The following CSMD1 variants were observed in gnomAD, a reference collection of about 807,000 sequenced individuals.
The protein encoded by CSMD1 is CUB and sushi domain-containing protein 1.
CSMD1 carries 213 observed loss-of-function variants against 417.5 expected under a neutral mutation model. The ratio of observed to expected loss-of-function variants is 0.51; its 90% CI spans 0.46 to 0.57. The LOEUF is 0.57. Among genes scored for constraint, CSMD1 ranks in the 20% least tolerant of loss-of-function variants. The pLI is 0.00. For missense variants in CSMD1, 6,923 were observed against 4,529.7 expected (o/e 1.53, Z -15.17); for synonymous variants, 2,862 against 1,736.8 (o/e 1.65, Z -16.11).
intron 26 of CSMD1, among the ~76,000 whole-genome samples, chr8:3,261,528 G>A (rs7820335): frequency 0.79 from 119,412 of 152,002 alleles, 47,414 homozygotes; most frequent in Non-Finnish European, 0.84. Context: ...AAATAATTTT[G>A]AAAAGAAAAC....
intron 3 of CSMD1, among the ~76,000 whole-genome samples, chr8:4,256,317 G>A (rs1044085699): frequency 2.6e-5 from 4 of 152,162 alleles, no homozygotes; most frequent in African/African-American, 9.7e-5. Context: ...CAATTTTGCA[G>A]AAAGACCAGC....
At chr8:3,692,787 C>T (rs1433392330) in intron 7 of CSMD1, among the ~76,000 whole-genome samples, 2 of 152,158 alleles carry the variant, frequency 1.3e-5, no homozygotes, top group Non-Finnish European at 2.9e-5. Context: ...TTACTATAGG[C>T]TATTCTGAGA....
At chr8:3,030,190 T>C (rs1485283413) in intron 50 of CSMD1, among the ~76,000 whole-genome samples, 4 of 152,064 alleles carry the variant, frequency 2.6e-5, no homozygotes, top group Admixed American at 1.3e-4. Context: ...AGTATACTAT[T>C]ACCAGGGTGG....
intron 1 of CSMD1, among the ~76,000 whole-genome samples, chr8:4,713,882 G>C (rs939335617): frequency 2.0e-5 from 3 of 152,114 alleles, no homozygotes; most frequent in African/African-American, 4.8e-5. Flanking sequence ...AGTGGAGGTG[G>C]AGATAAAATT....
chr8:3,485,161 G>A (rs983433520), intron 11 of CSMD1, among the ~76,000 whole-genome samples: 73 of 152,094 alleles, frequency 4.8e-4, no homozygotes, highest in African/African-American at 1.7e-3. Context: ...AAGCAATCCA[G>A]GTGTCCATCT....
At chr8:4,692,889 G>A in intron 1 of CSMD1, among the ~76,000 whole-genome samples, 1 of 152,140 alleles carries the variant, frequency 6.6e-6, no homozygotes, top group Non-Finnish European at 1.5e-5. Flanking sequence ...GTATTCTTCT[G>A]ACTTAATTGC....
At chr8:4,722,626 C>T (rs1197171821) in intron 1 of CSMD1, among the ~76,000 whole-genome samples, 1 of 151,982 alleles carries the variant, frequency 6.6e-6, no homozygotes, top group East Asian at 1.9e-4. Flanking sequence ...CATAAGTCCA[C>T]AGGCAATGTA....
At chr8:4,662,133 G>C (rs985196253) in intron 1 of CSMD1, among the ~76,000 whole-genome samples, 1 of 152,086 alleles carries the variant, frequency 6.6e-6, no homozygotes, top group Non-Finnish European at 1.5e-5. Flanking sequence ...ATAGATTGCA[G>C]TACAATATAT....
In CSMD1 at chr8:4,026,992, C is replaced by G. The variant is rs75773534; in HGVS notation, c.610+4913G>C. Among the ~76,000 whole-genome samples, 449 of 152,192 alleles carry G rather than the reference C, an allele frequency of 3.0e-3. 1 individual carries two copies. The highest frequency in any genetic ancestry group is 0.01 in the African/African-American group (426 of 41,522). ...GTTTGCCAATTCTTATGCTGTAGTC[C>G]CACTATGACAGATAATAAGCTAACC... On this transcript the variant is annotated intron_variant, in intron 4 of 69. Transcript: ENST00000635120.
chr8:4,945,481 G>C (rs1353213555), intron 1 of CSMD1, among the ~76,000 whole-genome samples: 1 of 148,290 alleles, frequency 6.7e-6, no homozygotes, highest in East Asian at 2.0e-4. Context: ...GATTACTTGA[G>C]CCCAAGAGTT....
intron 3 of CSMD1, among the ~76,000 whole-genome samples, chr8:4,279,953 G>C: frequency 1.3e-5 from 2 of 152,142 alleles, no homozygotes; most frequent in East Asian, 3.9e-4. Context: ...AAAGTACATA[G>C]GGGCAAGAAC....
chr8:3,204,451 T>A (rs1797141165), intron 31 of CSMD1, among the ~76,000 whole-genome samples: 1 of 151,974 alleles, frequency 6.6e-6, no homozygotes. Flanking sequence ...TAAAGTTAAA[T>A]GAGGGACTTT....
intron 65 of CSMD1, among the ~76,000 whole-genome samples, chr8:2,952,571 T>A (rs988614669): frequency 6.6e-6 from 1 of 152,198 alleles, no homozygotes; most frequent in East Asian, 1.9e-4. Context: ...AATCACTGAT[T>A]TTAGACACAT....
rs572216706 is a variant in CSMD1, at chr8:2,953,565, CTTAAA to C, written c.10039+654_10039+658del. On this transcript the variant is annotated intron_variant, in intron 65 of 69. Transcript: ENST00000635120. ...GATAAAACAACAACAAAATACCCAACTTAAATTAATATAATTTGGGATACATTTTG... is the reference window on the plus strand; with the variant it reads ...GATAAAACAACAACAAAATACCCAACTTAATATAATTTGGGATACATTTTG... 6.0e-3 allele frequency among the ~76,000 whole-genome samples: 912 copies of C among 151,972 alleles called. 6 individuals carry two copies. Among genetic ancestry groups the C allele is most frequent in the African/African-American group, 0.021 (858 of 41,470 alleles).
At position 4,310,138 on chromosome 8, in the gene CSMD1, T is replaced by G. The variant is rs998285380; in HGVS notation, c.415+109815A>C. Among the ~76,000 whole-genome samples, 5 of 152,286 alleles carry G rather than the reference T, an allele frequency of 3.3e-5. No homozygotes were observed. The East Asian group carries it at 5.8e-4, about 18-fold the overall frequency. Reference sequence around the variant, plus strand: ...CCCATTCATCCCTGCTCCTAGTAACTGCTTCACGTTTCTAACACCCAGGTA... The same window carrying G: ...CCCATTCATCCCTGCTCCTAGTAACGGCTTCACGTTTCTAACACCCAGGTA... On this transcript the variant is annotated intron_variant, in intron 3 of 69. Coordinates refer to ENST00000635120, the MANE Select transcript of CSMD1 (RefSeq NM_033225.6).
intron 3 of CSMD1, among the ~76,000 whole-genome samples, chr8:4,239,840 C>G (rs1173581909): frequency 2.0e-5 from 3 of 152,178 alleles, no homozygotes; most frequent in Admixed American, 1.3e-4. Flanking sequence ...AATGTGTCTA[C>G]ACTATTTTGG....
intron 1 of CSMD1, among the ~76,000 whole-genome samples, chr8:4,706,730 G>A (rs1007570856): frequency 4.6e-5 from 7 of 152,150 alleles, no homozygotes; most frequent in African/African-American, 1.4e-4. Flanking sequence ...AGATGTGGCC[G>A]GGGAGGCAGA....
chr8:4,404,432 T>A (rs1436553185), intron 3 of CSMD1, among the ~76,000 whole-genome samples: 1 of 152,184 alleles, frequency 6.6e-6, no homozygotes, highest in Non-Finnish European at 1.5e-5. Flanking sequence ...CAATAAATAT[T>A]TGTCAAGCAA....
intron 2 of CSMD1, among the ~76,000 whole-genome samples, chr8:4,461,563 G>T (rs753799005): frequency 2.0e-5 from 3 of 148,404 alleles, no homozygotes; most frequent in Admixed American, 6.7e-5. Flanking sequence ...GGTGGGGGTG[G>T]GGTGTTGGGG....
Sources: gnomAD v4.1 joint callset for allele counts (sites outside exome capture counted in the v4.1 genomes callset) on GRCh38, gnomAD v4.1.1 for gene constraint, MANE v1.5 for transcripts, NCBI Gene and HGNC (gene_info 2026-07-23, HGNC 2026-07-21) for gene names.